The following BRIP1 variants were observed in gnomAD, a reference collection of about 807,000 sequenced individuals.
The protein encoded by BRIP1 is BRCA1 interacting DNA helicase 1.
A neutral mutation model predicts 119.7 loss-of-function variants in BRIP1; 88 were observed. The ratio of observed to expected loss-of-function variants is 0.74; its 90% CI spans 0.62 to 0.88. The LOEUF is 0.88. Among genes scored for constraint, BRIP1 ranks in the 40% least tolerant of loss-of-function variants. The pLI, the probability that BRIP1 is intolerant of heterozygous loss-of-function variation, is 0.00. For synonymous variants in BRIP1, 443 were observed against 496.5 expected, an observed-to-expected ratio of 0.89 and a Z score of 1.43; for missense variants, 1,259 against 1,455.4, an observed-to-expected ratio of 0.87 and a Z score of 2.20.
At chr17:61,727,813 C>G (rs2144535560) in intron 16 of BRIP1, among the ~76,000 whole-genome samples, 1 of 151,108 alleles carries the variant, frequency 6.6e-6, no homozygotes, top group South Asian at 2.1e-4. Flanking sequence ...TATAATCTTT[C>G]AAACATGAGC....
At chr17:61,737,767 TG>T (rs1198776567) in intron 16 of BRIP1, among the ~76,000 whole-genome samples, 1 of 152,200 alleles carries the variant, frequency 6.6e-6, no homozygotes, top group Admixed American at 6.5e-5. Flanking sequence ...TCTTAAAGCT[TG>T]TAACACACCA....
At chr17:61,749,872 T>G (rs530759570) in intron 14 of BRIP1, among the ~76,000 whole-genome samples, 2 of 152,360 alleles carry the variant, frequency 1.3e-5, no homozygotes, top group African/African-American at 4.8e-5. Flanking sequence ...ATACAACTCA[T>G]TTTTGTATGT....
chr17:61,698,155 T>C (rs1422848139), intron 17 of BRIP1, among the ~76,000 whole-genome samples: 1 of 152,232 alleles, frequency 6.6e-6, no homozygotes, highest in East Asian at 1.9e-4. Context: ...ACTTTCACTG[T>C]GTCCCCAAAA....
rs946624689 is a variant in BRIP1 at position 61,845,213 on chromosome 17, T to C, written c.627+1888A>G. Among the ~76,000 whole-genome samples the C allele has an allele frequency of 2.6e-5, 4 of 152,162 alleles. No individual in the cohort carries two copies. The highest frequency in any genetic ancestry group is 1.3e-4 in the Admixed American group (2 of 15,274). On this transcript the variant is annotated intron_variant, in intron 6 of 19. Transcript: ENST00000259008. This position sits in a 1 kb window ranked among gnomAD's most constrained non-coding sequence, Gnocchi z 4.2. ...AGCTTCTACATAATTTCTCCAACTA[T>C]TAATATAAAGCTTCAGTGAAGATCA...
chr17:61,688,683 C>A (rs2061397791), intron 18 of BRIP1, among the ~76,000 whole-genome samples: 1 of 141,934 alleles, frequency 7.0e-6, no homozygotes, highest in African/African-American at 2.6e-5. Flanking sequence ...TACAAGGTTA[C>A]AAGAAACATA....
chr17:61,815,579 T>G lies in BRIP1; in HGVS notation c.628-6822A>C, dbSNP rs568411872. On this transcript the variant is annotated intron_variant, in intron 6 of 19. Coordinates refer to ENST00000259008, the MANE Select transcript of BRIP1 (RefSeq NM_032043.3). The surrounding 1 kb of genome is among the most constrained non-coding windows in gnomAD (Gnocchi z 4.1). ...TAATTACCTAATATTAACATAAGGC[T>G]AAAATACTCAGTTCACTAATGTATA... is the stretch of plus-strand genomic sequence containing the variant. 6.6e-6 allele frequency among the ~76,000 whole-genome samples: 1 copy of G among 152,322 alleles called. No individual in the cohort carries two copies. The highest frequency in any genetic ancestry group is 1.9e-4 in the East Asian group (1 of 5,194).
At chr17:61,813,217 T>A (rs1473277232) in intron 6 of BRIP1, among the ~76,000 whole-genome samples, 7 of 151,744 alleles carry the variant, frequency 4.6e-5, no homozygotes, top group Non-Finnish European at 1.0e-4. Context: ...GAGAAACCTG[T>A]TTGAGTGAAA....
At position 61,748,148 on chromosome 17, in the gene BRIP1, G is replaced by A. The variant is rs182874822; in HGVS notation, c.2098-3557C>T. The stretch of plus-strand genomic sequence containing the variant: ...GGCAGGTGAGTGAGCATTACTGCCT[G>A]AGCTCAGTCTCCTGTCAGATCAGCA... On this transcript the variant is annotated intron_variant, in intron 14 of 19. Coordinates refer to ENST00000259008, the MANE Select transcript of BRIP1 (RefSeq NM_032043.3). The surrounding 1 kb of genome is among the most constrained non-coding windows in gnomAD (Gnocchi z 4.7). Among the ~76,000 whole-genome samples the A allele has an allele frequency of 2.8e-4, 43 of 152,268 alleles. No individual in the cohort carries two copies. Among genetic ancestry groups the A allele is most frequent in the African/African-American group, 1.0e-3 (42 of 41,566 alleles).
At chr17:61,771,726 G>A (rs1349236183) in intron 14 of BRIP1, among the ~76,000 whole-genome samples, 1 of 152,000 alleles carries the variant, frequency 6.6e-6, no homozygotes, top group African/African-American at 2.4e-5. Flanking sequence ...TTGGGAGGCC[G>A]AGGCAGGCAG....
At position 61,857,075 on chromosome 17, in the gene BRIP1, G is replaced by C. The variant is rs777630298; in HGVS notation, c.362C>G (p.Thr121Ser). ...TAAATTACCTTGACAAGTTGATGAA[G>C]TGCCATTTCTTTCAGAAGGTGGTGT... is the stretch of plus-strand genomic sequence containing the variant. ...PSTPPSERNGTSSTCQDSPEK... is the reference protein window; with the variant it reads ...PSTPPSERNGSSSTCQDSPEK... The change falls in exon 4 of 20, where the codon ACT becomes AGT. Residue 121 changes from threonine to serine, a missense_variant. Physicochemically the swap from Thr to Ser is moderately conservative, Grantham distance 58. This residue lies in a region of BRIP1 where 501 missense variants were observed against 544.0 expected (regional missense o/e 0.92). Coordinates refer to ENST00000259008, the MANE Select transcript of BRIP1 (RefSeq NM_032043.3). This position sits in a 1 kb window ranked among gnomAD's most constrained non-coding sequence, Gnocchi z 5.1. The C allele has an allele frequency of 2.5e-6, 4 of 1,614,006 alleles. No individual in the cohort carries two copies. The Admixed American group carries it at 6.7e-5, about 27-fold the overall frequency.
In BRIP1 at chr17:61,720,030, C is replaced by A. The variant is rs527594674; in HGVS notation, c.2380-3967G>T. 6.6e-6 allele frequency among the ~76,000 whole-genome samples: 1 copy of A among 152,076 alleles called. No homozygotes were observed. The highest frequency in any genetic ancestry group is 1.5e-5 in the Non-Finnish European group (1 of 67,964). On this transcript the variant is annotated intron_variant, in intron 16 of 19. Transcript: ENST00000259008. The surrounding 1 kb of genome is among the most constrained non-coding windows in gnomAD (Gnocchi z 4.3). Reference sequence around the variant, plus strand: ...TTTTTAATTTTTATAGAGATGGATTCTTGCTATGTTGCCTATGATGGTCTC... The same window carrying A: ...TTTTTAATTTTTATAGAGATGGATTATTGCTATGTTGCCTATGATGGTCTC...
chr17:61,683,250 A>G lies in BRIP1; in HGVS notation c.*46T>C, dbSNP rs1172088211. On this transcript the variant is annotated 3_prime_UTR_variant, in exon 20 of 20. Coordinates refer to ENST00000259008, the MANE Select transcript of BRIP1 (RefSeq NM_032043.3). This position sits in a 1 kb window ranked among gnomAD's most constrained non-coding sequence, Gnocchi z 4.7. ...ATTATTACTTACAACAGAGTTTAACATAAGCATGATGACATATTTTTACTT... is the reference window on the plus strand; with the variant it reads ...ATTATTACTTACAACAGAGTTTAACGTAAGCATGATGACATATTTTTACTT... 1 of 1,563,258 alleles carries G rather than the reference A, an allele frequency of 6.4e-7. No individual in the cohort carries two copies. Among genetic ancestry groups the G allele is most frequent in the Admixed American group, 1.7e-5 (1 of 58,280 alleles).
At position 61,758,296 on chromosome 17, in the gene BRIP1, C is replaced by T. The variant is rs192803438; in HGVS notation, c.2098-13705G>A. Among the ~76,000 whole-genome samples the T allele has an allele frequency of 1.1e-3, 169 of 152,160 alleles. 1 individual carries two copies. The highest frequency in any genetic ancestry group is 2.0e-3 in the African/African-American group (82 of 41,522). On this transcript the variant is annotated intron_variant, in intron 14 of 19. Transcript: ENST00000259008. The surrounding 1 kb of genome is among the most constrained non-coding windows in gnomAD (Gnocchi z 5.3). ...TTTTCCTGAATAGATTAACTGTAGGCGAAAAAGGCAACTCGTTTTCTATAC... is the reference window on the plus strand; with the variant it reads ...TTTTCCTGAATAGATTAACTGTAGGTGAAAAAGGCAACTCGTTTTCTATAC...
Position 61,856,433 on chromosome 17 carries a change from G to A in BRIP1, c.379+625C>T, listed in dbSNP as rs1391232586. 6.6e-6 allele frequency among the ~76,000 whole-genome samples: 1 copy of A among 152,168 alleles called. No individual in the cohort carries two copies. Among genetic ancestry groups the A allele is most frequent in the Non-Finnish European group, 1.5e-5 (1 of 68,036 alleles). On this transcript the variant is annotated intron_variant, in intron 4 of 19. Coordinates refer to ENST00000259008, the MANE Select transcript of BRIP1 (RefSeq NM_032043.3). This position sits in a 1 kb window ranked among gnomAD's most constrained non-coding sequence, Gnocchi z 5.1. ...AGTTTGGACTATGGAGGTACCAATG[G>A]ATATGGAGATGTACATGAAGAAATA...
At position 61,861,659 on chromosome 17, in the gene BRIP1, A is replaced by T. The variant is rs1441294396; in HGVS notation, c.-30-90T>A. On this transcript the variant is annotated intron_variant, in intron 1 of 19. Transcript: ENST00000259008. This position sits in a 1 kb window ranked among gnomAD's most constrained non-coding sequence, Gnocchi z 4.5. ...ACTAAGGGAGAAATCTGGAAACAGA[A>T]ACTGGAATTAATAAAAGTATAAACA... 2.8e-6 allele frequency: 2 copies of T among 726,000 alleles called. No homozygotes were observed. Among genetic ancestry groups the T allele is most frequent in the Admixed American group, 2.2e-5 (1 of 45,994 alleles). 45.0% of individuals were successfully genotyped at this position (726,000 alleles called of 1,614,324 possible).
chr17:61,765,826 C>G (rs912134423), intron 14 of BRIP1, among the ~76,000 whole-genome samples: 1 of 93,850 alleles, frequency 1.1e-5, no homozygotes, highest in Non-Finnish European at 2.1e-5. Context: ...TGACTATATT[C>G]ATGCACACAC....
Position 61,769,633 on chromosome 17 carries a change from G to A in BRIP1, c.2097+6768C>T, listed in dbSNP as rs2077419445. 6.6e-6 allele frequency among the ~76,000 whole-genome samples: 1 copy of A among 152,028 alleles called. No homozygotes were observed. Among genetic ancestry groups the A allele is most frequent in the Admixed American group, 6.6e-5 (1 of 15,246 alleles). On this transcript the variant is annotated intron_variant, in intron 14 of 19. Transcript: ENST00000259008. This position sits in a 1 kb window ranked among gnomAD's most constrained non-coding sequence, Gnocchi z 4.9. The stretch of plus-strand genomic sequence containing the variant: ...TTTCAGCTCCAATATGTAAAGAACT[G>A]GAAGTCATCACACCTGTTTTACAAC...
Position 61,775,256 on chromosome 17 carries a change from G to A in BRIP1, c.2097+1145C>T, listed in dbSNP as rs551407645. Among the ~76,000 whole-genome samples the A allele has an allele frequency of 1.1e-4, 16 of 152,118 alleles. No individual in the cohort carries two copies. In the South Asian group the frequency reaches 1.4e-3, roughly 14 times the overall value. ...AGAATTTTAAAAAATGTTTATGTCC[G>A]TTTTATTTTTAGATATTCTTGTAAA... On this transcript the variant is annotated intron_variant, in intron 14 of 19. Coordinates refer to ENST00000259008, the MANE Select transcript of BRIP1 (RefSeq NM_032043.3). The surrounding 1 kb of genome is among the most constrained non-coding windows in gnomAD (Gnocchi z 4.4).
In BRIP1 at chr17:61,770,530, AAGTC is replaced by A. The variant is rs2077433417; in HGVS notation, c.2097+5867_2097+5870del. Among the ~76,000 whole-genome samples the A allele has an allele frequency of 6.6e-6, 1 of 152,166 alleles. No individual in the cohort carries two copies. The highest frequency in any genetic ancestry group is 2.4e-5 in the African/African-American group (1 of 41,442). On this transcript the variant is annotated intron_variant, in intron 14 of 19. Coordinates refer to ENST00000259008, the MANE Select transcript of BRIP1 (RefSeq NM_032043.3). The surrounding 1 kb of genome is among the most constrained non-coding windows in gnomAD (Gnocchi z 4.7). The stretch of plus-strand genomic sequence containing the variant: ...TTTTAATTTTTTTTATCTGATTTGA[AAGTC>A]AGTTGCAAAAGGTAATAATTGTAAA...
Sources: gnomAD v4.1 joint callset for allele counts (sites outside exome capture counted in the v4.1 genomes callset) on GRCh38, gnomAD v4.1.1 for gene constraint, gnomAD v4.1.1 regional missense constraint, Gnocchi (gnomAD v3.1) non-coding constraint, MANE v1.5 for transcripts, NCBI Gene and HGNC (gene_info 2026-07-23, HGNC 2026-07-21) for gene names.